Variants in BICD1 observed in about 807,000 individuals in gnomAD.
The protein encoded by BICD1 is BICD cargo adaptor 1, also known as protein bicaudal D homolog 1.
BICD1 carries 35 observed loss-of-function variants against 92.5 expected under a neutral mutation model. The observed-to-expected ratio is 0.38, with a 90% CI of 0.29 to 0.50. BICD1 has a LOEUF of 0.50. Among genes scored for constraint, BICD1 ranks in the 20% least tolerant of loss-of-function variants. BICD1 has a pLI of 0.93. For synonymous variants in BICD1, 429 were observed against 465.1 expected (o/e 0.92, Z 1.00); for missense variants, 950 against 1,189.8 (o/e 0.80, Z 2.97).
At chr12:32,357,394 T>A (rs1050051019) in intron 8 of BICD1, among the ~76,000 whole-genome samples, 14 of 152,310 alleles carry the variant, frequency 9.2e-5, no homozygotes, top group African/African-American at 3.1e-4. Context: ...TAAAACTTTT[T>A]AATTCAACTC....
At position 32,217,961 on chromosome 12, in the gene BICD1, A is replaced by G. The variant is rs1412923270; in HGVS notation, c.426+1502A>G. ...CAACGTGAGGACCGTGTGCACACGC[A>G]TGCAGGTGGTTTATGGAGAAGAATG... is the stretch of plus-strand genomic sequence containing the variant. On this transcript the variant is annotated intron_variant, in intron 2 of 9. Coordinates refer to ENST00000652176, the MANE Select transcript of BICD1 (RefSeq NM_001714.4). Among the ~76,000 whole-genome samples the G allele has an allele frequency of 2.6e-5, 4 of 152,344 alleles. No individual in the cohort carries two copies. In the South Asian group the frequency reaches 6.2e-4, roughly 24 times the overall value.
chr12:32,232,389 C>G (rs947385813), intron 2 of BICD1, among the ~76,000 whole-genome samples: 13 of 152,014 alleles, frequency 8.6e-5, no homozygotes, highest in African/African-American at 3.1e-4. Context: ...ATGTCTTCTT[C>G]TGAGAAGTGT....
chr12:32,118,614 T>C (rs1454218029), intron 1 of BICD1, among the ~76,000 whole-genome samples: 1 of 152,206 alleles, frequency 6.6e-6, no homozygotes, highest in Non-Finnish European at 1.5e-5. Context: ...GATGATTTAA[T>C]GTATACTGGA....
At chr12:32,189,698 AT>A (rs199713940) in intron 1 of BICD1, among the ~76,000 whole-genome samples, 3,953 of 140,424 alleles carry the variant, frequency 0.028, 93 homozygotes, top group African/African-American at 0.067. Flanking sequence ...AAGTGTAGTA[AT>A]TTTTTTTTTT....
chr12:32,327,650 T>C lies in BICD1; in HGVS notation c.1195T>C (p.Ser399Pro), dbSNP rs1410934385. The C allele has an allele frequency of 1.2e-6, 2 of 1,614,134 alleles. No individual in the cohort carries two copies. The highest frequency in any genetic ancestry group is 1.7e-5 in the Admixed American group (1 of 60,020). ...AELDGEKGRDSGEEAHDYEVD... is the reference protein window; with the variant it reads ...AELDGEKGRDPGEEAHDYEVD... ...GCTGGACGGGGAGAAGGGCCGGGAC[T>C]CAGGGGAGGAGGCCCATGACTATGA... Residue 399 changes from serine (S) to proline (P), a missense_variant, in exon 5 of 10, where the codon TCA becomes CCA. Coordinates refer to ENST00000652176, the MANE Select transcript of BICD1 (RefSeq NM_001714.4).
intron 2 of BICD1, chr12:32,228,120 C>CT: frequency 5.0e-6 from 1 of 200,882 alleles, no homozygotes; most frequent in Non-Finnish European, 1.1e-5. Flanking sequence ...CTTGATCACT[C>CT]TGCCACCCTT....
chr12:32,314,761 G>GTT (rs57360088), intron 4 of BICD1, among the ~76,000 whole-genome samples: 14 of 147,014 alleles, frequency 9.5e-5, no homozygotes, highest in Admixed American at 4.1e-4. Context: ...GTACAAAGGA[G>GTT]TTTTTTTTTT....
intron 1 of BICD1, among the ~76,000 whole-genome samples, chr12:32,196,489 G>C (rs574822852): frequency 2.6e-5 from 4 of 152,180 alleles, no homozygotes; most frequent in Admixed American, 2.6e-4. Flanking sequence ...AAACAGAAAC[G>C]AACCTGGAGG....
chr12:32,346,465 C>G (rs1308991942), intron 8 of BICD1, among the ~76,000 whole-genome samples: 1 of 141,904 alleles, frequency 7.0e-6, no homozygotes, highest in Non-Finnish European at 1.5e-5. Context: ...TGCAGTGAGC[C>G]AGGATTGTGC....
chr12:32,241,590 G>C (rs12309702), intron 2 of BICD1, among the ~76,000 whole-genome samples: 10,484 of 152,144 alleles, frequency 0.069, 1,242 homozygotes, highest in African/African-American at 0.24. Context: ...GTCCTAGATG[G>C]CCTTGAAATT....
intron 1 of BICD1, among the ~76,000 whole-genome samples, chr12:32,191,215 AC>A (rs1431241278): frequency 6.6e-6 from 1 of 152,180 alleles, no homozygotes; most frequent in Non-Finnish European, 1.5e-5. Flanking sequence ...GCAGAAGGAG[AC>A]AAAGATTGGA....
At chr12:32,303,445 C>T (rs553496908) in intron 3 of BICD1, among the ~76,000 whole-genome samples, 2 of 152,204 alleles carry the variant, frequency 1.3e-5, no homozygotes, top group East Asian at 3.9e-4. Flanking sequence ...TCCCTTCTGA[C>T]GGTGTATTTC....
At chr12:32,224,771 G>A (rs1280273464) in intron 2 of BICD1, among the ~76,000 whole-genome samples, 1 of 151,946 alleles carries the variant, frequency 6.6e-6, no homozygotes, top group African/African-American at 2.4e-5. Flanking sequence ...TTGCAATCTC[G>A]GCTCACTGCA....
intron 2 of BICD1, among the ~76,000 whole-genome samples, chr12:32,290,659 A>G (rs529697812): frequency 6.6e-6 from 1 of 152,300 alleles, no homozygotes; most frequent in African/African-American, 2.4e-5. Flanking sequence ...TATCTGATCA[A>G]GTTCTTCATC....
rs867589721 is a variant in BICD1, at chr12:32,346,577, T to C, written c.2764+7598T>C. On this transcript the variant is annotated intron_variant, in intron 8 of 9. Transcript: ENST00000652176. ...ATATATATATATATATATATATATATATATACGTGTATATATATATATATA... is the reference window on the plus strand; with the variant it reads ...ATATATATATATATATATATATATACATATACGTGTATATATATATATATA... Among the ~76,000 whole-genome samples, 5 of 29,516 alleles carry C rather than the reference T, an allele frequency of 1.7e-4. 1 individual carries two copies. Among genetic ancestry groups the C allele is most frequent in the African/African-American group, 9.7e-4 (4 of 4,122 alleles). The allele number at this position is 29,516 out of a possible 152,430, so 19.4% of individuals were successfully genotyped here.
chr12:32,216,575 AACT>A (rs1243901111), intron 2 of BICD1, 116 bp downstream of exon 2: 8 of 1,063,498 alleles, frequency 7.5e-6, no homozygotes, highest in Non-Finnish European at 1.1e-5. Flanking sequence ...TTAAGCACGA[AACT>A]ACTAATACTG....
At chr12:32,321,856 A>G (rs1049995222) in intron 4 of BICD1, among the ~76,000 whole-genome samples, 2 of 152,122 alleles carry the variant, frequency 1.3e-5, no homozygotes, top group Non-Finnish European at 2.9e-5. Flanking sequence ...AAAATTAGCC[A>G]GGCGCAGTGG....
intron 1 of BICD1, among the ~76,000 whole-genome samples, chr12:32,180,383 G>C (rs1423113910): frequency 1.3e-5 from 2 of 151,794 alleles, no homozygotes; most frequent in Admixed American, 6.6e-5. Context: ...GGACTCAGAG[G>C]CCTTAAAATA....
chr12:32,135,106 TGAGACG>T (rs1592354804), intron 1 of BICD1, among the ~76,000 whole-genome samples: 1 of 98,128 alleles, frequency 1.0e-5, no homozygotes, highest in East Asian at 3.7e-4. Context: ...TTTTTTTTTA[TGAGACG>T]GAGTCTCACT....
Sources: allele counts gnomAD v4.1 joint callset (sites outside exome capture counted in the v4.1 genomes callset), GRCh38; gene constraint gnomAD v4.1.1; transcripts MANE v1.5; gene names NCBI Gene and HGNC (gene_info 2026-07-23, HGNC 2026-07-21).